The following SETMAR variants were observed in gnomAD, a reference collection of about 807,000 sequenced individuals.
The protein encoded by SETMAR is SET and mariner transposase domain methyltransferase.
Under a neutral mutation model 58.4 loss-of-function variants are expected in SETMAR, and 44 were observed. The ratio of observed to expected loss-of-function variants is 0.75; its 90% CI spans 0.59 to 0.97. The LOEUF is 0.97. SETMAR is among the 50% of genes least tolerant of loss of function. The pLI is 0.00. For missense variants in SETMAR, 903 were observed against 840.2 expected, an observed-to-expected ratio of 1.07 and a Z score of -0.92; for synonymous variants, 332 against 307.4, an observed-to-expected ratio of 1.08 and a Z score of -0.84.
At chr3:4,315,948 G>A (rs1466974937) in intron 2 of SETMAR, among the ~76,000 whole-genome samples, 1 of 150,880 alleles carries the variant, frequency 6.6e-6, no homozygotes, top group Non-Finnish European at 1.5e-5. Context: ...TCAGGAGGCT[G>A]AGGTACGAGA....
At chr3:4,311,222 G>A (rs1483797671) in intron 1 of SETMAR, among the ~76,000 whole-genome samples, 2 of 152,080 alleles carry the variant, frequency 1.3e-5, no homozygotes, top group African/African-American at 2.4e-5. Context: ...TTTAGTGTAG[G>A]GTTTTGCACT....
intron 2 of SETMAR, among the ~76,000 whole-genome samples, chr3:4,314,709 C>A (rs563456972): frequency 2.6e-4 from 39 of 152,226 alleles, no homozygotes; most frequent in Non-Finnish European, 4.7e-4. Context: ...TTTTATGATC[C>A]CGTTTAAACT....
chr3:4,310,564 T>C (rs1698364488), intron 1 of SETMAR, among the ~76,000 whole-genome samples: 1 of 152,348 alleles, frequency 6.6e-6, no homozygotes, highest in South Asian at 2.1e-4. Context: ...TTGGAAGATA[T>C]CTGCAGTTCA....
intron 1 of SETMAR, among the ~76,000 whole-genome samples, chr3:4,311,249 C>T (rs1182430870): frequency 1.3e-4 from 19 of 151,966 alleles, no homozygotes; most frequent in Non-Finnish European, 2.8e-4. Context: ...CATAGCTCCA[C>T]CCGAGGCCTC....
chr3:4,317,067 G>A lies in SETMAR; in HGVS notation c.1876G>A (p.Val626Ile), dbSNP rs980707405. 29 of 1,549,072 alleles carry A rather than the reference G, an allele frequency of 1.9e-5. No homozygotes were observed. The Admixed American group carries it at 2.7e-4, about 15-fold the overall frequency. ...TGACCTCTTGCCAACCAACTACCAC[G>A]TCTTTAAGCATCTCAACAACTTTTT... ...SPDLLPTNYH[V>I]FKHLNNFLQG... The change falls in exon 3 of 3, where the codon GTC becomes ATC. Residue 626 changes from valine (V) to isoleucine (I), a missense_variant. By Grantham distance (29) the Val-to-Ile change is conservative. Coordinates refer to ENST00000358065, the MANE Select transcript of SETMAR (RefSeq NM_006515.4).
rs377380634 is a variant in SETMAR, at chr3:4,309,545, A to T, written c.157-3353A>T. 3.9e-5 allele frequency among the ~76,000 whole-genome samples: 6 copies of T among 152,308 alleles called. No individual in the cohort carries two copies. In the South Asian group the frequency reaches 6.2e-4, roughly 16 times the overall value. ...AAGGGAAGGAATTGCCTCAAATCAGAAAAGTCCAAGTGGTAACTATAGGCA... is the reference window on the plus strand; with the variant it reads ...AAGGGAAGGAATTGCCTCAAATCAGTAAAGTCCAAGTGGTAACTATAGGCA... On this transcript the variant is annotated intron_variant, in intron 1 of 2. Coordinates refer to ENST00000358065, the MANE Select transcript of SETMAR (RefSeq NM_006515.4).
intron 1 of SETMAR, chr3:4,303,773 T>A (rs1227656283): frequency 2.0e-5 from 29 of 1,451,996 alleles, no homozygotes; most frequent in Non-Finnish European, 2.7e-5. Context: ...GGAGGCCTTG[T>A]GAGAACCTGG....
In SETMAR at chr3:4,313,678, A is replaced by G. The variant is rs1698518360; in HGVS notation, c.937A>G (p.Ile313Val). Residue 313 changes from isoleucine to valine, a missense_variant, in exon 2 of 3, where the codon ATC (isoleucine) becomes GTC (valine). Physicochemically the swap from Ile to Val is conservative, Grantham distance 29. Transcript: ENST00000358065. ...GTACTGCCCCGTAGAAAAGTCGAAC[A>G]TCAGTTGTGGAAATGAGAAGGAACC... ...SLYCPVEKSN[I>V]SCGNEKEPSM... 6.2e-7 allele frequency: 1 copy of G among 1,614,046 alleles called. No individual in the cohort carries two copies. Among genetic ancestry groups the G allele is most frequent in the Non-Finnish European group, 8.5e-7 (1 of 1,179,970 alleles).
At position 4,313,013 on chromosome 3, in the gene SETMAR, G is replaced by A. The variant is rs6801634; in HGVS notation, c.272G>A (p.Arg91His). 219,157 of 1,613,536 alleles carry A rather than the reference G, an allele frequency of 0.14. 15,561 individuals carry two copies. Among genetic ancestry groups the A allele is most frequent in the Middle Eastern group, 0.21 (1,299 of 6,060 alleles). Residue 91 changes from arginine to histidine, a missense_variant, in exon 2 of 3, where the codon CGC (arginine) becomes CAC (histidine). By Grantham distance (29) the Arg-to-His change is conservative (BLOSUM62 0). Coordinates refer to ENST00000358065, the MANE Select transcript of SETMAR (RefSeq NM_006515.4). Reference protein sequence around the residue: ...PCLPGTCSCLRHGENYDDNSC... With the variant: ...PCLPGTCSCLHHGENYDDNSC... ...CTCCCTGGCACTTGCTCCTGTCTCC[G>A]CCATGGAGAGAACTATGATGATAAC...
chr3:4,310,699 T>C (rs1275245596), intron 1 of SETMAR, among the ~76,000 whole-genome samples: 2 of 152,158 alleles, frequency 1.3e-5, no homozygotes, highest in Admixed American at 6.5e-5. Flanking sequence ...TAAGTAAAAA[T>C]AACGAAATAA....
chr3:4,307,801 C>T (rs1163695722), intron 1 of SETMAR, among the ~76,000 whole-genome samples: 1 of 152,134 alleles, frequency 6.6e-6, no homozygotes, highest in Non-Finnish European at 1.5e-5. Flanking sequence ...CTTTTGGAGG[C>T]CAAGGCGGGA....
intron 2 of SETMAR, 62 bp downstream of exon 2, chr3:4,313,823 G>C: frequency 6.2e-7 from 1 of 1,601,968 alleles, no homozygotes; most frequent in Non-Finnish European, 8.5e-7. Flanking sequence ...TGGTTGGCTA[G>C]CTTTACCTCT....
rs780052945 is a variant in SETMAR, at chr3:4,316,842, G to T, written c.1651G>T (p.Gly551Cys). 6.5e-7 allele frequency: 1 copy of T among 1,550,094 alleles called. No homozygotes were observed. Among genetic ancestry groups the T allele is most frequent in the South Asian group, 1.2e-5 (1 of 84,000 alleles). Residue 551 changes from glycine to cysteine, a missense_variant, in exon 3 of 3, where the codon GGT (glycine) becomes TGT (cysteine). Physicochemically the swap from Gly to Cys is radical, Grantham distance 159 (BLOSUM62 -3). Transcript: ENST00000358065. ...GLIHYSFLNP[G>C]ETITSEKYAQ... ...GATCCACTACAGCTTTCTGAATCCC[G>T]GTGAAACCATTACATCTGAGAAGTA...
At chr3:4,309,047 G>A (rs924220114) in intron 1 of SETMAR, among the ~76,000 whole-genome samples, 4 of 152,176 alleles carry the variant, frequency 2.6e-5, no homozygotes, top group Admixed American at 1.3e-4. Context: ...AGGACAGTTG[G>A]AAGCAGAGGC....
chr3:4,314,813 T>G (rs1698571343), intron 2 of SETMAR, among the ~76,000 whole-genome samples: 1 of 152,340 alleles, frequency 6.6e-6, no homozygotes. Flanking sequence ...TTTTGAAAGC[T>G]AAAATAATTA....
rs758775633 is a variant in SETMAR, at chr3:4,316,859, T to C, written c.1668T>C (p.Ser556=). 60 of 1,549,664 alleles carry C rather than the reference T, an allele frequency of 3.9e-5. No individual in the cohort carries two copies. The South Asian group carries it at 5.2e-4, about 14-fold the overall frequency. ...TGAATCCCGGTGAAACCATTACATCTGAGAAGTATGCTCAGGAAATCGATG... is the reference window on the plus strand; with the variant it reads ...TGAATCCCGGTGAAACCATTACATCCGAGAAGTATGCTCAGGAAATCGATG... ...SFLNPGETIT[S]EKYAQEIDEM... is the part of the protein sequence containing the mutation. Residue 556 remains serine (S), a synonymous_variant, in exon 3 of 3, where the codon TCT becomes TCC. Transcript: ENST00000358065.
At chr3:4,312,869 C>A (rs768557194) in intron 1 of SETMAR, 29 bp from the exon 2 acceptor site, 10 of 1,565,042 alleles carry the variant, frequency 6.4e-6, no homozygotes, top group Non-Finnish European at 8.6e-6. Context: ...ACATGCCGTG[C>A]TGACTTACAG....
intron 1 of SETMAR, among the ~76,000 whole-genome samples, chr3:4,304,955 G>C (rs1017619799): frequency 6.6e-6 from 1 of 151,474 alleles, no homozygotes; most frequent in African/African-American, 2.4e-5. Flanking sequence ...TTCAGAAGGC[G>C]GGGCAACTCA....
chr3:4,309,221 A>C (rs1046888081), intron 1 of SETMAR, among the ~76,000 whole-genome samples: 1 of 152,160 alleles, frequency 6.6e-6, no homozygotes, highest in African/African-American at 2.4e-5. Context: ...AATGTTTTTT[A>C]TCAGACTTAA....
Sources: gnomAD v4.1 joint callset for allele counts (sites outside exome capture counted in the v4.1 genomes callset) on GRCh38, gnomAD v4.1.1 for gene constraint, MANE v1.5 for transcripts, NCBI Gene and HGNC (gene_info 2026-07-23, HGNC 2026-07-21) for gene names.